The following FAM153A variants were observed in gnomAD, a reference collection of about 807,000 sequenced individuals.
The protein encoded by FAM153A is protein FAM153A.
FAM153A carries 12 observed loss-of-function variants against 48.1 expected under a neutral mutation model. That is an observed-to-expected ratio of 0.25 (90% CI 0.16 to 0.40). The LOEUF is 0.40. FAM153A is among the 10% of genes least tolerant of loss of function. The pLI is 1.00. For synonymous variants in FAM153A, 36 were observed against 118.2 expected (o/e 0.30, Z 4.51); for missense variants, 111 against 345.8 (o/e 0.32, Z 5.38).
Position 177,737,710 on chromosome 5 carries a change from G to A in FAM153A, c.563-598C>T, listed in dbSNP as rs538877266. On this transcript the variant is annotated intron_variant, in intron 10 of 20. Transcript: ENST00000614127. ...TAATTCTGTATTTTTAGGAGAGATG[G>A]GTTTTCTCCATGTTGGTCAGCCTGG... Among the ~76,000 whole-genome samples, 87 of 151,572 alleles carry A rather than the reference G, an allele frequency of 5.7e-4. 2 individuals carry two copies. The South Asian group carries it at 0.018, about 31-fold the overall frequency.
At chr5:177,756,492 G>C (rs1449136217), upstream of FAM153A, among the ~76,000 whole-genome samples, 2 of 139,034 alleles carry the variant, frequency 1.4e-5, no homozygotes, top group Admixed American at 1.4e-4. Flanking sequence ...AGACCTAATA[G>C]ACATCTACAG....
At chr5:177,696,905 A>G in the FAM153A span, among the ~76,000 whole-genome samples, 11 of 151,782 alleles carry the variant, frequency 7.2e-5, no homozygotes, top group South Asian at 2.1e-3. Flanking sequence ...GTTCTTTTTC[A>G]AAATTGTTTT....
chr5:177,776,613 C>T (rs558816502), intron 1 of FAM153A, among the ~76,000 whole-genome samples: 2 of 77,240 alleles, frequency 2.6e-5, no homozygotes, highest in African/African-American at 1.1e-4. Flanking sequence ...TAAAAGAGGA[C>T]ACAAACAAAT....
rs910692232 is a variant in FAM153A, at chr5:177,730,247, G to A, written c.863-692C>T. ...GGAGCAGCGAGGGGGTGCGGGGGGC[G>A]GGCACTGACCCTCTCCAACCCAGCT... On this transcript the variant is annotated intron_variant, in intron 16 of 20. Coordinates refer to ENST00000614127, the Ensembl canonical transcript of FAM153A. Among the ~76,000 whole-genome samples the A allele has an allele frequency of 4.7e-4, 56 of 118,232 alleles. 12 individuals carry two copies. The highest frequency in any genetic ancestry group is 5.0e-4 in the Non-Finnish European group (26 of 52,390). The allele number at this position is 118,232 out of a possible 152,430, so 77.6% of individuals were successfully genotyped here.
chr5:177,743,673 C>T (rs1765679746), intron 6 of FAM153A, among the ~76,000 whole-genome samples: 1 of 82,416 alleles, frequency 1.2e-5, no homozygotes, highest in African/African-American at 4.9e-5. Flanking sequence ...CCCACTCTCC[C>T]TGCTCAAGAT....
chr5:177,781,861 GGC>G (rs1216127575), upstream of FAM153A, among the ~76,000 whole-genome samples: 1 of 93,516 alleles, frequency 1.1e-5, no homozygotes, highest in African/African-American at 4.0e-5. Context: ...TGGGACTACA[GGC>G]GCCCGCCACC....
chr5:177,745,834 C>G (rs574634373), intron 4 of FAM153A, among the ~76,000 whole-genome samples: 89 of 151,928 alleles, frequency 5.9e-4, no homozygotes, highest in African/African-American at 2.1e-3. Context: ...CGCTGTAGAC[C>G]AAAAGCCTGA....
chr5:177,717,624 A>T (rs1466170995), downstream of FAM153A, among the ~76,000 whole-genome samples: 1 of 148,236 alleles, frequency 6.7e-6, no homozygotes, highest in African/African-American at 2.6e-5. Flanking sequence ...AACCAAAATT[A>T]TTAAACATAG....
In FAM153A at chr5:177,771,015, A is replaced by G. The variant is rs1331421765; in HGVS notation, c.-57+9434T>C. On this transcript the variant is annotated intron_variant, in intron 1 of 8. Coordinates refer to the FAM153A transcript ENST00000393518. Reference sequence around the variant, plus strand: ...GATATTCACTGAATCTGTTATTATGATATATTTAAGCAGGACACAGTGGTA... The same window carrying G: ...GATATTCACTGAATCTGTTATTATGGTATATTTAAGCAGGACACAGTGGTA... Among the ~76,000 whole-genome samples, 4 of 98,258 alleles carry G rather than the reference A, an allele frequency of 4.1e-5. 2 individuals carry two copies. The highest frequency in any genetic ancestry group is 8.5e-5 in the Non-Finnish European group (4 of 47,226). 64.5% of individuals were successfully genotyped at this position (98,258 alleles called of 152,430 possible). A position where few individuals can be genotyped will look rare whatever the true frequency, so the allele number is the denominator to read the frequency against.
intron 4 of FAM153A, among the ~76,000 whole-genome samples, chr5:177,745,913 C>T (rs981042098): frequency 6.6e-6 from 1 of 151,226 alleles, no homozygotes; most frequent in African/African-American, 2.5e-5. Flanking sequence ...TCAAACAAAC[C>T]CTGGGTTAGC....
At chr5:177,701,588 A>G in the FAM153A span, among the ~76,000 whole-genome samples, 38 of 104,426 alleles carry the variant, frequency 3.6e-4, 2 homozygotes, top group African/African-American at 1.3e-3. Flanking sequence ...AATTTTAAAA[A>G]ATAAATAAAA....
At chr5:177,712,969 A>G (rs1438403230) in exon 27 of FAM153A, 1 of 151,924 alleles carries the variant, frequency 6.6e-6, no homozygotes, top group African/African-American at 2.4e-5. Flanking sequence ...ATAATGGACT[A>G]TGTGTCCATC....
At chr5:177,743,212 T>TTTG (rs1765595024) in intron 6 of FAM153A, among the ~76,000 whole-genome samples, 5 of 94,992 alleles carry the variant, frequency 5.3e-5, no homozygotes, top group Admixed American at 1.1e-4. Context: ...TTTTGTTTTT[T>TTTG]TTTTTTTTGC....
At chr5:177,700,409 A>AT in the FAM153A span, among the ~76,000 whole-genome samples, 1 of 152,006 alleles carries the variant, frequency 6.6e-6, no homozygotes, top group African/African-American at 2.4e-5. Context: ...TTTGCAGATG[A>AT]CATGATCCTG....
At chr5:177,716,788 T>A (rs1759894256) in intron 24 of FAM153A, among the ~76,000 whole-genome samples, 1 of 151,924 alleles carries the variant, frequency 6.6e-6, no homozygotes, top group Non-Finnish European at 1.5e-5. Context: ...TCAAGAGGAC[T>A]AATAGATGAT....
intron 1 of FAM153A, among the ~76,000 whole-genome samples, chr5:177,769,230 CAAA>C (rs564065546): frequency 1.2e-4 from 2 of 16,966 alleles, no homozygotes; most frequent in Admixed American, 7.4e-4. Context: ...GACTCCGTCC[CAAA>C]AAAAAAAAAA....
In FAM153A at chr5:177,766,164, TA is replaced by T. The variant is rs779831237; in HGVS notation, c.-57+14284del. On this transcript the variant is annotated intron_variant, in intron 1 of 8. Coordinates refer to the FAM153A transcript ENST00000393518. ...CAAACAGAAAAACATGCCAATAGGA[TA>T]AAAAAAAAAAAGAAAGACAAGTACT... Among the ~76,000 whole-genome samples, 149 of 92,262 alleles carry T rather than the reference TA, an allele frequency of 1.6e-3. 32 individuals carry two copies. The highest frequency in any genetic ancestry group is 5.7e-3 in the Middle Eastern group (1 of 174). 60.5% of individuals were successfully genotyped at this position (92,262 alleles called of 152,430 possible).
chr5:177,713,845 G>C (rs542915870), exon 26 of FAM153A: 1 of 151,924 alleles, frequency 6.6e-6, no homozygotes, highest in African/African-American at 2.4e-5. Flanking sequence ...GGACTCCATC[G>C]CCCGAGGAGC....
intron 14 of FAM153A, among the ~76,000 whole-genome samples, chr5:177,733,424 A>G (rs1341573717): frequency 7.0e-6 from 1 of 142,158 alleles, no homozygotes; most frequent in Non-Finnish European, 1.5e-5. Flanking sequence ...AGCCGAGCAC[A>G]CAGAAACCAT....
Sources: gnomAD v4.1 joint callset for allele counts (sites outside exome capture counted in the v4.1 genomes callset) on GRCh38, gnomAD v4.1.1 for gene constraint, MANE v1.5 for transcripts, NCBI Gene and HGNC (gene_info 2026-07-23, HGNC 2026-07-21) for gene names.